GBE1: variants seen among roughly 807,000 people sequenced by gnomAD.
GBE1 encodes the protein 1,4-alpha-glucan branching enzyme 1.
In GBE1, 70 loss-of-function variants were observed where a neutral mutation model predicts 88.8. The observed-to-expected ratio is 0.79, with a 90% CI of 0.65 to 0.96. The LOEUF (loss-of-function observed/expected upper bound fraction) is 0.96. Ranked by LOEUF, GBE1 falls within the 40% of genes least tolerant of loss-of-function variation. The probability of loss-of-function intolerance (pLI) is 0.00; values close to 1 mark genes in which losing one functional copy is unlikely to be tolerated. For synonymous variants in GBE1, 284 were observed against 300.1 expected (o/e 0.95, Z 0.56); for missense variants, 872 against 871.0 (o/e 1.00, Z -0.01).
intron 1 of GBE1, among the ~76,000 whole-genome samples, chr3:81,750,719 C>T (rs1225813086): frequency 1.6e-5 from 2 of 123,176 alleles, no homozygotes; most frequent in African/African-American, 3.3e-5. Flanking sequence ...TTGGCTCTGT[C>T]GCCCAGGCTG....
chr3:81,550,875 C>T (rs966658789), intron 12 of GBE1, among the ~76,000 whole-genome samples: 1 of 152,202 alleles, frequency 6.6e-6, no homozygotes, highest in East Asian at 1.9e-4. Flanking sequence ...GCCCTTGGGG[C>T]TGCTCTGTCT....
At chr3:81,536,191 T>C (rs573087551) in intron 13 of GBE1, among the ~76,000 whole-genome samples, 2 of 151,796 alleles carry the variant, frequency 1.3e-5, no homozygotes, top group South Asian at 4.2e-4. Context: ...ACTGAATATA[T>C]AAATACCTTT....
chr3:81,755,679 T>C (rs1359748152), intron 1 of GBE1, among the ~76,000 whole-genome samples: 1 of 152,104 alleles, frequency 6.6e-6, no homozygotes, highest in Non-Finnish European at 1.5e-5. Flanking sequence ...GCAACATGGA[T>C]GGAACTGGAG....
chr3:81,759,659 G>A (rs1575781369), intron 1 of GBE1, among the ~76,000 whole-genome samples: 1 of 152,274 alleles, frequency 6.6e-6, no homozygotes, highest in East Asian at 1.9e-4. Context: ...AGGCATGAGG[G>A]CCCACTGGAC....
chr3:81,517,222 G>A (rs1396355470), intron 14 of GBE1, among the ~76,000 whole-genome samples: 1 of 151,470 alleles, frequency 6.6e-6, no homozygotes, highest in Non-Finnish European at 1.5e-5. Flanking sequence ...TCAGTCAGGA[G>A]CCATTAACAT....
intron 1 of GBE1, among the ~76,000 whole-genome samples, chr3:81,714,392 G>T (rs1559696721): frequency 6.6e-6 from 1 of 152,090 alleles, no homozygotes; most frequent in Non-Finnish European, 1.5e-5. Context: ...TTACAAGTCT[G>T]CTTTGAAAAT....
At chr3:81,568,268 C>T (rs922073223) in intron 12 of GBE1, among the ~76,000 whole-genome samples, 3 of 152,072 alleles carry the variant, frequency 2.0e-5, no homozygotes, top group African/African-American at 7.2e-5. Context: ...CTGCCTCAGC[C>T]TCCCAAGTAG....
At chr3:81,726,277 G>A (rs1706110763) in intron 1 of GBE1, among the ~76,000 whole-genome samples, 1 of 152,088 alleles carries the variant, frequency 6.6e-6, no homozygotes. Flanking sequence ...ACCAGGCTTA[G>A]AGGAGAATGA....
chr3:81,750,658 T>C (rs9836648), intron 1 of GBE1, among the ~76,000 whole-genome samples: 4,945 of 56,884 alleles, frequency 0.087, 602 homozygotes, highest in South Asian at 0.11. Flanking sequence ...TATATATATA[T>C]GTATATATAT....
intron 2 of GBE1, among the ~76,000 whole-genome samples, chr3:81,687,601 C>T (rs1160270240): frequency 2.0e-5 from 3 of 152,062 alleles, no homozygotes; most frequent in African/African-American, 7.2e-5. Context: ...AAAGAGCAGG[C>T]TCGGGGTGTG....
chr3:81,741,696 G>A (rs558007091), intron 1 of GBE1, among the ~76,000 whole-genome samples: 22 of 151,288 alleles, frequency 1.5e-4, no homozygotes, highest in Admixed American at 1.4e-3. Context: ...TGTATATGTG[G>A]TGTGTATACA....
intron 1 of GBE1, among the ~76,000 whole-genome samples, chr3:81,726,793 G>A (rs1706118025): frequency 6.6e-6 from 1 of 152,040 alleles, no homozygotes; most frequent in Admixed American, 6.6e-5. Flanking sequence ...TACTGGCCAG[G>A]CTGGTCTCGG....
At chr3:81,711,318 AG>A (rs1373785551) in intron 1 of GBE1, among the ~76,000 whole-genome samples, 2 of 152,218 alleles carry the variant, frequency 1.3e-5, no homozygotes, top group Non-Finnish European at 2.9e-5. Flanking sequence ...AGCAAGAAAA[AG>A]CACAGAAGTA....
At chr3:81,742,060 TC>T (rs1173773574) in intron 1 of GBE1, among the ~76,000 whole-genome samples, 1 of 151,524 alleles carries the variant, frequency 6.6e-6, no homozygotes, top group Admixed American at 6.6e-5. Flanking sequence ...TTGCCAGACT[TC>T]CCCCCATTAA....
intron 12 of GBE1, among the ~76,000 whole-genome samples, chr3:81,550,344 C>T (rs146128769): frequency 1.3e-5 from 2 of 151,262 alleles, no homozygotes; most frequent in Middle Eastern, 3.2e-3. Flanking sequence ...TCCTCTCTAC[C>T]CTGAATGCAA....
At chr3:81,642,614 C>A (rs1226679166) in intron 7 of GBE1, 167 bp downstream of exon 7, 2 of 552,200 alleles carry the variant, frequency 3.6e-6, no homozygotes. Flanking sequence ...ACCACAAATA[C>A]ATGTGCTATA....
At chr3:81,707,395 T>A (rs1470829977) in intron 1 of GBE1, among the ~76,000 whole-genome samples, 1 of 152,010 alleles carries the variant, frequency 6.6e-6, no homozygotes, top group African/African-American at 2.4e-5. Context: ...TCAATGACAC[T>A]AATGAACCAT....
chr3:81,754,977 A>G (rs1706582076), intron 1 of GBE1, among the ~76,000 whole-genome samples: 1 of 152,100 alleles, frequency 6.6e-6, no homozygotes, highest in Admixed American at 6.6e-5. Context: ...TAGACATCAG[A>G]GTATAAATCA....
intron 1 of GBE1, among the ~76,000 whole-genome samples, chr3:81,718,390 A>G (rs1705972417): frequency 1.3e-5 from 2 of 152,238 alleles, no homozygotes; most frequent in Admixed American, 6.5e-5. Context: ...AGTACTTACT[A>G]TGTTCCAGGC....
Sources: allele counts gnomAD v4.1 joint callset (sites outside exome capture counted in the v4.1 genomes callset), GRCh38; gene constraint gnomAD v4.1.1; transcripts MANE v1.5; gene names NCBI Gene and HGNC (gene_info 2026-07-23, HGNC 2026-07-21).